The following ELMO1 variants were observed in gnomAD, a reference collection of about 807,000 sequenced individuals.
ELMO1 encodes engulfment and cell motility protein 1.
ELMO1 carries 26 observed loss-of-function variants against 98.9 expected under a neutral mutation model. The ratio of observed to expected loss-of-function variants is 0.26; its 90% CI spans 0.19 to 0.36. The LOEUF (loss-of-function observed/expected upper bound fraction) is 0.36. Among genes scored for constraint, ELMO1 ranks in the 10% least tolerant of loss-of-function variants. The probability of loss-of-function intolerance (pLI) is 1.00; values close to 1 mark genes in which losing one functional copy is unlikely to be tolerated. For missense variants in ELMO1, 627 were observed against 935.2 expected (o/e 0.67, Z 4.30); for synonymous variants, 346 against 346.0 (o/e 1.00, Z 0.00).
intron 15 of ELMO1, among the ~76,000 whole-genome samples, chr7:37,027,065 G>A (rs368329222): frequency 1.3e-5 from 2 of 152,060 alleles, no homozygotes; most frequent in African/African-American, 4.8e-5. Flanking sequence ...GGCCAGCACA[G>A]ACACACAGCA....
intron 14 of ELMO1, among the ~76,000 whole-genome samples, chr7:37,121,311 A>G (rs1786015684): frequency 6.6e-6 from 1 of 152,250 alleles, no homozygotes; most frequent in Non-Finnish European, 1.5e-5. Context: ...AAGGCTTCAG[A>G]CGATCAAACT....
At chr7:36,928,915 G>A (rs1398544873) in intron 16 of ELMO1, among the ~76,000 whole-genome samples, 1 of 152,244 alleles carries the variant, frequency 6.6e-6, no homozygotes, top group Non-Finnish European at 1.5e-5. Flanking sequence ...CAAGGGACCA[G>A]AAAGACAGGA....
At chr7:37,130,469 A>G (rs1786840107) in intron 14 of ELMO1, among the ~76,000 whole-genome samples, 1 of 152,202 alleles carries the variant, frequency 6.6e-6, no homozygotes, top group Admixed American at 6.5e-5. Context: ...GAGCCAAGAC[A>G]GATCACTGGC....
At chr7:37,047,930 T>G (rs141419215) in intron 15 of ELMO1, among the ~76,000 whole-genome samples, 35 of 152,320 alleles carry the variant, frequency 2.3e-4, no homozygotes, top group African/African-American at 7.7e-4. Context: ...AAACCCTGCT[T>G]TCTTTGATTA....
At chr7:37,258,479 G>A (rs964552910) in intron 6 of ELMO1, among the ~76,000 whole-genome samples, 6 of 151,736 alleles carry the variant, frequency 4.0e-5, no homozygotes, top group Admixed American at 6.6e-5. Flanking sequence ...TAATGGGTCC[G>A]CCCTCTAGAT....
At chr7:36,994,742 G>C (rs553409591) in intron 16 of ELMO1, among the ~76,000 whole-genome samples, 58 of 152,308 alleles carry the variant, frequency 3.8e-4, no homozygotes, top group African/African-American at 1.4e-3. Flanking sequence ...GTCCAGCTCT[G>C]TCTGCAATGT....
chr7:37,226,826 C>T (rs1319614631), intron 8 of ELMO1, among the ~76,000 whole-genome samples: 1 of 152,176 alleles, frequency 6.6e-6, no homozygotes, highest in Non-Finnish European at 1.5e-5. Flanking sequence ...TGATCCATTT[C>T]AGTAACATGC....
At chr7:37,114,087 T>G (rs939015347) in intron 14 of ELMO1, among the ~76,000 whole-genome samples, 1 of 152,228 alleles carries the variant, frequency 6.6e-6, no homozygotes, top group African/African-American at 2.4e-5. Context: ...TGCAGAGCCT[T>G]GAGAGCTGTG....
In ELMO1 at chr7:36,952,911, C is replaced by T. The variant is rs142170339; in HGVS notation, c.1438-57894G>A. Among the ~76,000 whole-genome samples the T allele has an allele frequency of 3.8e-3, 555 of 147,776 alleles. 1 individual carries two copies. Among genetic ancestry groups the T allele is most frequent in the Non-Finnish European group, 6.6e-3 (441 of 67,062 alleles). ...GACCCACTGGAGAGTGAAAGACTCTCAAGACATTTCAATATAATGAGGTCA... is the reference window on the plus strand; with the variant it reads ...GACCCACTGGAGAGTGAAAGACTCTTAAGACATTTCAATATAATGAGGTCA... On this transcript the variant is annotated intron_variant, in intron 16 of 21. Coordinates refer to ENST00000310758, the MANE Select transcript of ELMO1 (RefSeq NM_014800.11).
Position 37,377,677 on chromosome 7 carries a change from A to G in ELMO1, c.-73-34914T>C, listed in dbSNP as rs919362308. On this transcript the variant is annotated intron_variant, in intron 1 of 21. Coordinates refer to ENST00000310758, the MANE Select transcript of ELMO1 (RefSeq NM_014800.11). Reference sequence around the variant, plus strand: ...AGAGGAAAGCAAATTTAGGGTCTGAAGGGATTAACAGCCCACCAAAGTAGT... The same window carrying G: ...AGAGGAAAGCAAATTTAGGGTCTGAGGGGATTAACAGCCCACCAAAGTAGT... 2.6e-5 allele frequency among the ~76,000 whole-genome samples: 4 copies of G among 152,128 alleles called. No individual in the cohort carries two copies. In the East Asian group the frequency reaches 7.7e-4, roughly 29 times the overall value.
intron 15 of ELMO1, among the ~76,000 whole-genome samples, chr7:37,042,152 C>T (rs1200538470): frequency 6.7e-6 from 1 of 150,324 alleles, no homozygotes; most frequent in Non-Finnish European, 1.5e-5. Flanking sequence ...AACCATCCCA[C>T]CACTGCACTC....
intron 4 of ELMO1, among the ~76,000 whole-genome samples, chr7:37,287,369 T>C (rs554055850): frequency 1.3e-5 from 2 of 152,338 alleles, no homozygotes; most frequent in East Asian, 1.9e-4. Flanking sequence ...GTAAGTTTTA[T>C]GTACAAAAAC....
chr7:36,866,813 A>G (rs1453070137), intron 20 of ELMO1, among the ~76,000 whole-genome samples: 2 of 152,142 alleles, frequency 1.3e-5, no homozygotes, highest in Non-Finnish European at 2.9e-5. Flanking sequence ...ATTCTGGTCA[A>G]TTCTCCTTTT....
intron 15 of ELMO1, among the ~76,000 whole-genome samples, chr7:37,086,743 CAAAAAAAAAAAA>C (rs755237121): frequency 0.059 from 2,871 of 48,832 alleles, 69 homozygotes; most frequent in Non-Finnish European, 0.088. Context: ...ATCCTGTCTC[CAAAAAAAAAAAA>C]AAAAAAAAAA....
intron 16 of ELMO1, among the ~76,000 whole-genome samples, chr7:36,976,647 C>T (rs1188559361): frequency 6.6e-6 from 1 of 152,164 alleles, no homozygotes; most frequent in African/African-American, 2.4e-5. Context: ...CTTTGAGCAA[C>T]ACATCATAGT....
At chr7:37,088,560 CTGA>C (rs1202267737) in intron 15 of ELMO1, among the ~76,000 whole-genome samples, 1 of 152,178 alleles carries the variant, frequency 6.6e-6, no homozygotes, top group Non-Finnish European at 1.5e-5. Context: ...ACGATCATGA[CTGA>C]TGATGACTGA....
chr7:37,361,436 A>C (rs1481614845), intron 1 of ELMO1, among the ~76,000 whole-genome samples: 3 of 152,210 alleles, frequency 2.0e-5, no homozygotes, highest in Non-Finnish European at 4.4e-5. Context: ...TCAAAGTTTT[A>C]TTGGAACAAA....
chr7:37,047,420 C>T (rs1017812421), intron 15 of ELMO1, among the ~76,000 whole-genome samples: 4 of 152,204 alleles, frequency 2.6e-5, no homozygotes, highest in Non-Finnish European at 4.4e-5. Flanking sequence ...CACCTTGGCC[C>T]CAGTTAAGGC....
chr7:37,043,815 C>A (rs1180226250), intron 15 of ELMO1, among the ~76,000 whole-genome samples: 1 of 151,976 alleles, frequency 6.6e-6, no homozygotes, highest in African/African-American at 2.4e-5. Context: ...GGAACTGGGG[C>A]CAAAGGCTAG....
Sources: gnomAD v4.1 joint callset for allele counts (sites outside exome capture counted in the v4.1 genomes callset) on GRCh38, gnomAD v4.1.1 for gene constraint, MANE v1.5 for transcripts, NCBI Gene and HGNC (gene_info 2026-07-23, HGNC 2026-07-21) for gene names.